ARHGAP24: variants seen among roughly 807,000 people sequenced by gnomAD.
ARHGAP24 encodes Rho GTPase activating protein 24, also known as rho GTPase-activating protein 24.
In ARHGAP24, 50 loss-of-function variants were observed where a neutral mutation model predicts 76.4. The observed-to-expected ratio is 0.65, with a 90% CI of 0.52 to 0.83. The LOEUF is 0.83. Ranked by LOEUF, ARHGAP24 falls within the 40% of genes least tolerant of loss-of-function variation. ARHGAP24 has a pLI of 0.00. For missense variants in ARHGAP24, 930 were observed against 914.2 expected (o/e 1.02, Z -0.22); for synonymous variants, 345 against 323.3 (o/e 1.07, Z -0.72).
chr4:85,883,727 T>C (rs1733392130), intron 3 of ARHGAP24, among the ~76,000 whole-genome samples: 1 of 152,194 alleles, frequency 6.6e-6, no homozygotes, highest in South Asian at 2.1e-4. Flanking sequence ...TATGGTTACA[T>C]AGTGAAATAT....
intron 3 of ARHGAP24, among the ~76,000 whole-genome samples, chr4:85,771,494 T>C (rs1283936500): frequency 6.6e-6 from 1 of 152,246 alleles, no homozygotes; most frequent in East Asian, 1.9e-4. Flanking sequence ...CCATCTTCTT[T>C]ACTCAGTCTC....
intron 5 of ARHGAP24, among the ~76,000 whole-genome samples, chr4:85,971,214 A>G (rs910158179): frequency 6.6e-6 from 1 of 152,232 alleles, no homozygotes; most frequent in African/African-American, 2.4e-5. Flanking sequence ...TCGAGTATCT[A>G]TAGGCAAACA....
intron 2 of ARHGAP24, among the ~76,000 whole-genome samples, chr4:85,593,533 G>T (rs192266303): frequency 6.6e-6 from 1 of 152,236 alleles, no homozygotes; most frequent in East Asian, 1.9e-4. Flanking sequence ...TATTTGCCCA[G>T]TCCAATGTCC....
intron 3 of ARHGAP24, among the ~76,000 whole-genome samples, chr4:85,889,133 A>C (rs999205309): frequency 6.6e-6 from 1 of 152,180 alleles, no homozygotes; most frequent in African/African-American, 2.4e-5. Context: ...CTTATTGGGT[A>C]TTTGTTTCAA....
At chr4:85,664,113 A>C (rs1722513400) in intron 2 of ARHGAP24, among the ~76,000 whole-genome samples, 1 of 151,424 alleles carries the variant, frequency 6.6e-6, no homozygotes, top group Non-Finnish European at 1.5e-5. Flanking sequence ...TACCTCTGGT[A>C]GAATTCGGCT....
chr4:85,622,190 G>C (rs1294652961), intron 2 of ARHGAP24, among the ~76,000 whole-genome samples: 1 of 151,732 alleles, frequency 6.6e-6, no homozygotes, highest in Admixed American at 6.6e-5. Flanking sequence ...TTGGTGTGCT[G>C]CACCCACTAA....
chr4:85,775,544 T>C (rs1727282284), intron 3 of ARHGAP24, among the ~76,000 whole-genome samples: 1 of 152,130 alleles, frequency 6.6e-6, no homozygotes, highest in Admixed American at 6.6e-5. Context: ...GTGAGACTTG[T>C]TCACTACCAT....
At chr4:85,942,574 C>A (rs1737014764) in intron 5 of ARHGAP24, 1 of 291,496 alleles carries the variant, frequency 3.4e-6, no homozygotes, top group South Asian at 6.4e-5. Context: ...AAATAGGATT[C>A]TTCTCTTGCT....
At chr4:85,998,031 T>G (rs1054110693) in intron 9 of ARHGAP24, among the ~76,000 whole-genome samples, 1 of 152,204 alleles carries the variant, frequency 6.6e-6, no homozygotes, top group Admixed American at 6.5e-5. Flanking sequence ...AATTATTTGG[T>G]CTATTAAAAC....
intron 3 of ARHGAP24, among the ~76,000 whole-genome samples, chr4:85,866,233 CA>C (rs1435155252): frequency 6.6e-6 from 1 of 152,110 alleles, no homozygotes; most frequent in African/African-American, 2.4e-5. Flanking sequence ...TAAACATATT[CA>C]ACCTGTCAGT....
intron 1 of ARHGAP24, among the ~76,000 whole-genome samples, chr4:85,513,499 T>A (rs550891416): frequency 2.6e-5 from 4 of 152,298 alleles, no homozygotes; most frequent in South Asian, 2.1e-4. Flanking sequence ...GTGTGTAATT[T>A]TCAATTCTCC....
At chr4:85,739,316 A>C (rs566344181) in intron 3 of ARHGAP24, among the ~76,000 whole-genome samples, 2 of 152,200 alleles carry the variant, frequency 1.3e-5, no homozygotes, top group Non-Finnish European at 2.9e-5. Flanking sequence ...AGGACTTGCC[A>C]TAAGTCAGGG....
At chr4:85,520,010 TG>T (rs1348127132) in intron 1 of ARHGAP24, among the ~76,000 whole-genome samples, 2 of 152,180 alleles carry the variant, frequency 1.3e-5, no homozygotes, top group African/African-American at 4.8e-5. Context: ...ACTTTAGTGA[TG>T]ATTTAAAAAC....
intron 8 of ARHGAP24, among the ~76,000 whole-genome samples, chr4:85,988,563 G>T (rs1159867809): frequency 1.3e-5 from 2 of 150,810 alleles, no homozygotes; most frequent in Non-Finnish European, 1.5e-5. Context: ...GAGGTATTAG[G>T]TAATAAGCCA....
intron 3 of ARHGAP24, among the ~76,000 whole-genome samples, chr4:85,786,736 C>G (rs143778951): frequency 6.6e-6 from 1 of 152,288 alleles, no homozygotes; most frequent in East Asian, 1.9e-4. Context: ...TTCTTCCTTC[C>G]CCTCAGGCTT....
At chr4:85,744,168 A>G (rs1367360469) in intron 3 of ARHGAP24, among the ~76,000 whole-genome samples, 1 of 152,212 alleles carries the variant, frequency 6.6e-6, no homozygotes, top group Admixed American at 6.5e-5. Flanking sequence ...CCAAATATTT[A>G]TAGAAAAACA....
intron 3 of ARHGAP24, among the ~76,000 whole-genome samples, chr4:85,780,471 CT>C (rs1205717989): frequency 6.6e-6 from 1 of 151,728 alleles, no homozygotes; most frequent in Non-Finnish European, 1.5e-5. Flanking sequence ...TGCGCCCAGC[CT>C]TTTTTTAATT....
intron 3 of ARHGAP24, among the ~76,000 whole-genome samples, chr4:85,790,255 T>C (rs1728057320): frequency 6.6e-6 from 1 of 152,158 alleles, no homozygotes; most frequent in African/African-American, 2.4e-5. Context: ...TCTCGGACTG[T>C]CTCTTGCATC....
intron 2 of ARHGAP24, among the ~76,000 whole-genome samples, chr4:85,657,531 G>A (rs78431689): frequency 0.028 from 4,303 of 152,180 alleles, 188 homozygotes; most frequent in African/African-American, 0.097. Flanking sequence ...ACTTGACTGT[G>A]TTTCTAAAGG....
Sources: allele counts gnomAD v4.1 joint callset (sites outside exome capture counted in the v4.1 genomes callset), GRCh38; gene constraint gnomAD v4.1.1; transcripts MANE v1.5; gene names NCBI Gene and HGNC (gene_info 2026-07-23, HGNC 2026-07-21).